Variants in TBCEL observed in about 807,000 individuals in gnomAD.
TBCEL encodes the protein tubulin-specific chaperone cofactor E-like protein.
TBCEL carries 15 observed loss-of-function variants against 44.2 expected under a neutral mutation model. The ratio of observed to expected loss-of-function variants is 0.34; its 90% CI spans 0.23 to 0.52. TBCEL has a LOEUF of 0.52. TBCEL is among the 20% of genes least tolerant of loss of function. The pLI is 0.95. For missense variants in TBCEL, 319 were observed against 506.3 expected (o/e 0.63, Z 3.55); for synonymous variants, 171 against 185.4 (o/e 0.92, Z 0.63).
In TBCEL at chr11:121,044,401, A is replaced by G. The variant is rs137902621; in HGVS notation, c.-17-1273A>G. ...GATCTCCTCTGAGGCTCCTAGTTAGATGCTCCTGACAATGTCTACCATTGC... is the reference window on the plus strand; with the variant it reads ...GATCTCCTCTGAGGCTCCTAGTTAGGTGCTCCTGACAATGTCTACCATTGC... On this transcript the variant is annotated intron_variant, in intron 2 of 8. Coordinates refer to ENST00000683345, the MANE Select transcript of TBCEL (RefSeq NM_001363644.2). Among the ~76,000 whole-genome samples the G allele has an allele frequency of 5.2e-3, 788 of 152,210 alleles. 5 individuals are homozygous for G. Among genetic ancestry groups the G allele is most frequent in the African/African-American group, 0.017 (723 of 41,542 alleles).
chr11:121,054,375 C>CT (rs764802224), intron 5 of TBCEL, among the ~76,000 whole-genome samples: 1 of 151,824 alleles, frequency 6.6e-6, no homozygotes, highest in Non-Finnish European at 1.5e-5. Context: ...ATTTCACACT[C>CT]TAACTCTAAT....
At chr11:121,056,962 C>T (rs1294581306) in intron 6 of TBCEL, among the ~76,000 whole-genome samples, 1 of 151,766 alleles carries the variant, frequency 6.6e-6, no homozygotes, top group Non-Finnish European at 1.5e-5. Context: ...TGTCTTTTAG[C>T]TTATTTCTGA....
Position 121,088,702 on chromosome 11 carries a change from G to A in TBCEL, c.*1606G>A, listed in dbSNP as rs1468609704. ...TGACTTGTAAATTCTTCATGTATGA[G>A]GAGTTGTGTTTATTAATGCTACTTT... On this transcript the variant is annotated 3_prime_UTR_variant, in exon 9 of 9. Coordinates refer to ENST00000683345, the MANE Select transcript of TBCEL (RefSeq NM_001363644.2). 2.0e-5 allele frequency: 3 copies of A among 152,114 alleles called. No individual in the cohort carries two copies. The highest frequency in any genetic ancestry group is 4.8e-5 in the African/African-American group (2 of 41,424). 9.4% of individuals were successfully genotyped at this position (152,114 alleles called of 1,614,324 possible).
In TBCEL at chr11:121,037,210, G is replaced by A. The variant is rs544893620; in HGVS notation, c.-18+598G>A. On this transcript the variant is annotated intron_variant, in intron 2 of 8. Coordinates refer to ENST00000683345, the MANE Select transcript of TBCEL (RefSeq NM_001363644.2). ...GTGGTTCTTAGTAGGGTGTGAAATCGTGGTGGCATGGTGTGTTATGATAAG... is the reference window on the plus strand; with the variant it reads ...GTGGTTCTTAGTAGGGTGTGAAATCATGGTGGCATGGTGTGTTATGATAAG... Among the ~76,000 whole-genome samples the A allele has an allele frequency of 3.3e-5, 5 of 152,300 alleles. No individual in the cohort carries two copies. The East Asian group carries it at 7.7e-4, about 23-fold the overall frequency.
chr11:121,049,477 C>T (rs1170136476), intron 4 of TBCEL, among the ~76,000 whole-genome samples: 2 of 151,754 alleles, frequency 1.3e-5, no homozygotes, highest in African/African-American at 4.8e-5. Context: ...AAATTCTTTG[C>T]AATGCATGTC....
At chr11:121,060,732 C>A (rs1025446579) in intron 8 of TBCEL, among the ~76,000 whole-genome samples, 13 of 151,782 alleles carry the variant, frequency 8.6e-5, no homozygotes, top group Non-Finnish European at 1.3e-4. Flanking sequence ...AAATACCCCC[C>A]AAAACAGGTT....
intron 8 of TBCEL, among the ~76,000 whole-genome samples, chr11:121,082,478 C>T (rs774880046): frequency 3.9e-5 from 6 of 152,160 alleles, no homozygotes; most frequent in Non-Finnish European, 7.3e-5. Flanking sequence ...TTAGATTAGG[C>T]CTACCCAGAT....
At chr11:121,054,470 C>A (rs138652159) in intron 5 of TBCEL, among the ~76,000 whole-genome samples, 146 of 151,974 alleles carry the variant, frequency 9.6e-4, no homozygotes, top group African/African-American at 3.4e-3. Flanking sequence ...ACCATATGAC[C>A]TTTGATAAGC....
intron 2 of TBCEL, among the ~76,000 whole-genome samples, chr11:121,041,778 ATCCAT>A (rs1945337533): frequency 6.6e-6 from 1 of 151,894 alleles, no homozygotes; most frequent in Non-Finnish European, 1.5e-5. Flanking sequence ...TACATTACCA[ATCCAT>A]TTCACAATCT....
intron 5 of TBCEL, 67 bp downstream of exon 5, chr11:121,053,799 C>G: frequency 6.7e-7 from 1 of 1,482,866 alleles, no homozygotes; most frequent in South Asian, 1.3e-5. Context: ...AGGAGTACTG[C>G]TGATCTCCCA....
At chr11:121,025,719 T>A (rs1021231790) in intron 1 of TBCEL, among the ~76,000 whole-genome samples, 1 of 151,822 alleles carries the variant, frequency 6.6e-6, no homozygotes, top group Non-Finnish European at 1.5e-5. Flanking sequence ...GAGATGGATT[T>A]TTTTTTTTTT....
chr11:121,052,516 CT>C (rs1945547061), intron 4 of TBCEL, among the ~76,000 whole-genome samples: 1 of 151,862 alleles, frequency 6.6e-6, no homozygotes, highest in African/African-American at 2.4e-5. Context: ...CCTAACTACT[CT>C]TTTCTCCTTT....
intron 7 of TBCEL, among the ~76,000 whole-genome samples, chr11:121,058,989 C>T (rs1024773359): frequency 3.3e-5 from 5 of 151,960 alleles, no homozygotes; most frequent in Admixed American, 3.3e-4. Flanking sequence ...TCTGCCTCCA[C>T]ATACTCGGGA....
intron 2 of TBCEL, among the ~76,000 whole-genome samples, chr11:121,038,959 CT>C (rs1188193950): frequency 1.3e-5 from 2 of 152,154 alleles, no homozygotes; most frequent in African/African-American, 4.8e-5. Flanking sequence ...TTGCCCAGTC[CT>C]TTACTGATTT....
chr11:121,069,591 G>A (rs1310843469), intron 8 of TBCEL, among the ~76,000 whole-genome samples: 4 of 152,156 alleles, frequency 2.6e-5, no homozygotes, highest in Non-Finnish European at 5.9e-5. Flanking sequence ...AGGAGTTCGA[G>A]ACCTGCCTGG....
chr11:121,054,456 A>G (rs1591396550), intron 5 of TBCEL, among the ~76,000 whole-genome samples: 1 of 151,890 alleles, frequency 6.6e-6, no homozygotes, highest in East Asian at 1.9e-4. Context: ...TAGTTTCACT[A>G]CTAACCATAT....
chr11:121,047,679 A>G lies in TBCEL; in HGVS notation c.273+12A>G, dbSNP rs772153353. ...AAGACTGGCATGAGGTGAAGTTTTT[A>G]TATTGCTACATTTTAGTGAAAAGCA... On this transcript the variant is annotated intron_variant, in intron 4 of 8. Transcript: ENST00000683345. 1.9e-6 allele frequency: 3 copies of G among 1,611,508 alleles called. No individual in the cohort carries two copies. Among genetic ancestry groups the G allele is most frequent in the Admixed American group, 1.7e-5 (1 of 59,744 alleles).
At chr11:121,039,615 A>G (rs1945295850) in intron 2 of TBCEL, among the ~76,000 whole-genome samples, 1 of 152,260 alleles carries the variant, frequency 6.6e-6, no homozygotes, top group Non-Finnish European at 1.5e-5. Flanking sequence ...GAATTTGTTA[A>G]GGTATGAAAA....
At chr11:121,038,278 T>G (rs1349037149) in intron 2 of TBCEL, among the ~76,000 whole-genome samples, 1 of 152,186 alleles carries the variant, frequency 6.6e-6, no homozygotes, top group Non-Finnish European at 1.5e-5. Flanking sequence ...ATTATATTTT[T>G]TAAAAGCAAA....
Sources: allele counts gnomAD v4.1 joint callset (sites outside exome capture counted in the v4.1 genomes callset), GRCh38; gene constraint gnomAD v4.1.1; transcripts MANE v1.5; gene names NCBI Gene and HGNC (gene_info 2026-07-23, HGNC 2026-07-21).